Variants in CSTPP1 observed in about 807,000 individuals in gnomAD.
CSTPP1 encodes the protein UPF0705 protein C11orf49.
At chr11:47,148,103 G>A in the CSTPP1 span, among the ~76,000 whole-genome samples, 1 of 152,116 alleles carries the variant, frequency 6.6e-6, no homozygotes, top group East Asian at 1.9e-4. Context: ...CTCCAACACA[G>A]TCCAGAAGAG....
chr11:46,968,527 G>A, the CSTPP1 span, among the ~76,000 whole-genome samples: 1 of 151,102 alleles, frequency 6.6e-6, no homozygotes, highest in Non-Finnish European at 1.5e-5. Flanking sequence ...GAGCACATTA[G>A]TAGACATTCA....
the CSTPP1 span, among the ~76,000 whole-genome samples, chr11:47,010,118 ATTTAGT>A: frequency 6.6e-6 from 1 of 151,510 alleles, no homozygotes; most frequent in African/African-American, 2.5e-5. Context: ...AGTGACATTA[ATTTAGT>A]TTTAAAGAAT....
At chr11:47,133,520 C>T in the CSTPP1 span, among the ~76,000 whole-genome samples, 1 of 152,216 alleles carries the variant, frequency 6.6e-6, no homozygotes, top group African/African-American at 2.4e-5. Flanking sequence ...GTGTGGCCAC[C>T]AGCACAGTGG....
chr11:47,143,749 G>A, the CSTPP1 span, among the ~76,000 whole-genome samples: 17 of 152,160 alleles, frequency 1.1e-4, no homozygotes, highest in Non-Finnish European at 2.2e-4. Flanking sequence ...GCATGCAGTT[G>A]GAACCAGACT....
At chr11:46,951,396 A>G in the CSTPP1 span, among the ~76,000 whole-genome samples, 1 of 150,374 alleles carries the variant, frequency 6.7e-6, no homozygotes, top group African/African-American at 2.5e-5. Context: ...TCCTGAGCTC[A>G]GGTGATCCTC....
At chr11:47,154,626 C>T in the CSTPP1 span, among the ~76,000 whole-genome samples, 1 of 152,176 alleles carries the variant, frequency 6.6e-6, no homozygotes, top group African/African-American at 2.4e-5. Context: ...GCCCTCTCCC[C>T]TTGTCTGCCA....
At chr11:47,137,185 C>A in the CSTPP1 span, 1 of 964,216 alleles carries the variant, frequency 1.0e-6, no homozygotes, top group Non-Finnish European at 1.4e-6. Flanking sequence ...TCTCCCTACA[C>A]AGCAAGACTG....
At chr11:46,940,840 A>G in the CSTPP1 span, among the ~76,000 whole-genome samples, 1 of 152,342 alleles carries the variant, frequency 6.6e-6, no homozygotes, top group Non-Finnish European at 1.5e-5. Context: ...CTCAATGAAT[A>G]TATGAAATAT....
chr11:47,110,246 G>A, the CSTPP1 span, among the ~76,000 whole-genome samples: 1 of 152,166 alleles, frequency 6.6e-6, no homozygotes, highest in Non-Finnish European at 1.5e-5. Flanking sequence ...CTTATCCCTT[G>A]CTGTTTCCCC....
the CSTPP1 span, chr11:47,158,126 C>G: frequency 1.7e-6 from 1 of 574,018 alleles, no homozygotes. Flanking sequence ...ACAGCCCTCC[C>G]TGCCTGCAGC....
At chr11:47,096,445 T>C in the CSTPP1 span, among the ~76,000 whole-genome samples, 1 of 152,194 alleles carries the variant, frequency 6.6e-6, no homozygotes, top group African/African-American at 2.4e-5. Flanking sequence ...GAAGAGATAA[T>C]TGATTTTTAA....
the CSTPP1 span, chr11:47,052,766 T>C: frequency 2.7e-6 from 1 of 368,352 alleles, no homozygotes; most frequent in Non-Finnish European, 4.9e-6. Context: ...ATGGTACCTA[T>C]TAAGAGCCAA....
At chr11:47,149,801 G>A in the CSTPP1 span, among the ~76,000 whole-genome samples, 1 of 152,058 alleles carries the variant, frequency 6.6e-6, no homozygotes, top group South Asian at 2.1e-4. Flanking sequence ...CTAACAGGAG[G>A]AGCTGTTAGT....
the CSTPP1 span, among the ~76,000 whole-genome samples, chr11:47,145,772 T>C: frequency 6.6e-6 from 1 of 152,116 alleles, no homozygotes; most frequent in African/African-American, 2.4e-5. Context: ...GCTAGGACCA[T>C]AGGCACGTTC....
At chr11:46,965,533 ATT>A in the CSTPP1 span, among the ~76,000 whole-genome samples, 3 of 152,140 alleles carry the variant, frequency 2.0e-5, no homozygotes, top group Non-Finnish European at 4.4e-5. Flanking sequence ...CCTAAAGAGC[ATT>A]TTTATTAAAA....
chr11:47,157,752 A>G, the CSTPP1 span: 4 of 1,509,854 alleles, frequency 2.6e-6, no homozygotes, highest in South Asian at 4.6e-5. Context: ...ACCTGAAAGT[A>G]TGGATGCAGA....
At chr11:47,129,094 G>A in the CSTPP1 span, among the ~76,000 whole-genome samples, 1 of 152,256 alleles carries the variant, frequency 6.6e-6, no homozygotes, top group Admixed American at 6.5e-5. Context: ...GTTCAATTAA[G>A]AACAGGAATG....
the CSTPP1 span, among the ~76,000 whole-genome samples, chr11:46,977,251 G>A: frequency 1.3e-5 from 2 of 152,336 alleles, no homozygotes; most frequent in African/African-American, 4.8e-5. Context: ...CAAAACAGCA[G>A]CCAGCACTAG....
chr11:47,075,561 GA>G, the CSTPP1 span, among the ~76,000 whole-genome samples: 1 of 152,034 alleles, frequency 6.6e-6, no homozygotes, highest in Non-Finnish European at 1.5e-5. Flanking sequence ...CTTGCAAAAG[GA>G]AAAAGGTATG....
Sources: allele counts gnomAD v4.1 joint callset (sites outside exome capture counted in the v4.1 genomes callset), GRCh38; gene constraint gnomAD v4.1.1; transcripts MANE v1.5; gene names NCBI Gene and HGNC (gene_info 2026-07-23, HGNC 2026-07-21).